Variants in OGDHL observed in about 807,000 individuals in gnomAD.
The protein encoded by OGDHL is oxoglutarate dehydrogenase L, also known as 2-oxoglutarate dehydrogenase-like, mitochondrial.
OGDHL carries 79 observed loss-of-function variants against 109.6 expected under a neutral mutation model. The observed-to-expected ratio is 0.72, with a 90% CI of 0.60 to 0.87. The LOEUF (loss-of-function observed/expected upper bound fraction) is 0.87, where lower values mean the gene tolerates loss of function less well. Ranked by LOEUF, OGDHL falls within the 40% of genes least tolerant of loss-of-function variation. OGDHL has a pLI of 0.00. For missense variants in OGDHL, 1,275 were observed against 1,362.2 expected (o/e 0.94, Z 1.01); for synonymous variants, 528 against 537.2 (o/e 0.98, Z 0.24).
In OGDHL at chr10:49,739,761, G is replaced by A. The variant is rs138138510; in HGVS notation, c.2219C>T (p.Thr740Met). Residue 740 changes from threonine to methionine, a missense_variant, in exon 17 of 23, where the codon ACG (threonine) becomes ATG (methionine). Coordinates refer to ENST00000374103, the MANE Select transcript of OGDHL (RefSeq NM_018245.3). ...GAACTGGTCGATGATGCACTGGGCC[G>A]TGTTGTGGAAGTCCCCAAACTGGGC... ...WEAQFGDFHN[T>M]AQCIIDQFIS... 118 of 1,614,016 alleles carry A rather than the reference G, an allele frequency of 7.3e-5. No individual in the cohort carries two copies. The African/African-American group carries it at 8.4e-4, about 11-fold the overall frequency.
intron 14 of OGDHL, among the ~76,000 whole-genome samples, chr10:49,743,183 G>A (rs1354165748): frequency 1.3e-5 from 2 of 152,366 alleles, no homozygotes; most frequent in Middle Eastern, 6.8e-3. Flanking sequence ...GAGGGGTGGA[G>A]CAGGTACCAC....
intron 15 of OGDHL, among the ~76,000 whole-genome samples, chr10:49,742,172 G>GCCCCACACACACTATACACA (rs1270934520): frequency 1.1e-5 from 1 of 90,124 alleles, no homozygotes; most frequent in Non-Finnish European, 2.2e-5. Flanking sequence ...CACCATACAC[G>GCCCCACACACACTATACACA]CCCCACACAC....
chr10:49,750,295 A>G (rs1842495391), intron 7 of OGDHL, among the ~76,000 whole-genome samples: 1 of 152,118 alleles, frequency 6.6e-6, no homozygotes, highest in East Asian at 1.9e-4. Context: ...TCTGTCCCCC[A>G]GGGTGCATTC....
intron 15 of OGDHL, among the ~76,000 whole-genome samples, chr10:49,741,719 C>CACACACACCACACACATACAT: frequency 6.8e-6 from 1 of 147,154 alleles, no homozygotes; most frequent in Non-Finnish European, 1.5e-5. Context: ...CACATACATA[C>CACACACACCACACACATACAT]ACACACACCA....
rs766917699 is a variant in OGDHL at position 49,735,275 on chromosome 10, G to A, written c.2986C>T (p.Leu996=). The A allele has an allele frequency of 2.0e-5, 33 of 1,614,196 alleles. No individual in the cohort carries two copies. The highest frequency in any genetic ancestry group is 2.8e-5 in the Non-Finnish European group (33 of 1,180,018). Residue 996 remains leucine, a synonymous_variant, in exon 23 of 23, where the codon CTG becomes TTG. Transcript: ENST00000374103. Reference sequence around the variant, plus strand: ...GCCTGGAGATTGAAGGCAGTATCCAGAAACTTCTTCAGTGACACCAGGTGA... The same window carrying A: ...GCCTGGAGATTGAAGGCAGTATCCAAAAACTTCTTCAGTGACACCAGGTGA... ...NTHLVSLKKF[L]DTAFNLQAFE... is the part of the protein sequence containing the mutation.
intron 10 of OGDHL, 92 bp from the exon 11 acceptor site, chr10:49,746,069 A>G (rs1842162655): frequency 1.4e-6 from 2 of 1,426,956 alleles, no homozygotes; most frequent in Non-Finnish European, 1.9e-6. Flanking sequence ...GGGGATGCTC[A>G]AGGTCCACTG....
intron 3 of OGDHL, among the ~76,000 whole-genome samples, chr10:49,754,032 C>A (rs1223201524): frequency 6.6e-6 from 1 of 151,922 alleles, no homozygotes; most frequent in Non-Finnish European, 1.5e-5. Flanking sequence ...ATAAGATTGA[C>A]AGGGTCAAGG....
intron 9 of OGDHL, 41 bp from the exon 10 acceptor site, chr10:49,746,919 G>A: frequency 6.2e-7 from 1 of 1,613,112 alleles, no homozygotes; most frequent in Non-Finnish European, 8.5e-7. Flanking sequence ...GCGTGCCCCA[G>A]CCCATGTAGC....
Position 49,758,438 on chromosome 10 carries a change from A to G in OGDHL, c.155T>C (p.Met52Thr). 1.9e-6 allele frequency: 3 copies of G among 1,613,804 alleles called. No individual in the cohort carries two copies. The highest frequency in any genetic ancestry group is 2.2e-5 in the East Asian group (1 of 44,876). The change falls in exon 2 of 23, where the codon ATG (methionine) becomes ACG (threonine). Residue 52 changes from methionine to threonine, a missense_variant. Met to Thr is a moderately conservative substitution (Grantham distance 81). Coordinates refer to ENST00000374103, the MANE Select transcript of OGDHL (RefSeq NM_018245.3). ...CAACCAGGCGAAGTACATCTCCTCCATGTAACTGGAGCCGCCTCCACCTTT... is the reference window on the plus strand; with the variant it reads ...CAACCAGGCGAAGTACATCTCCTCCGTGTAACTGGAGCCGCCTCCACCTTT... ...SSKGGGGSSY[M>T]EEMYFAWLEN...
intron 14 of OGDHL, 155 bp downstream of exon 14, chr10:49,743,839 G>A (rs911976520): frequency 3.5e-6 from 3 of 861,206 alleles, no homozygotes; most frequent in Non-Finnish European, 5.1e-6. Context: ...CTACTGTCAC[G>A]GGCACAGACA....
Position 49,738,887 on chromosome 10 carries a change from G to A in OGDHL, c.2320-625C>T, listed in dbSNP as rs41281973. The stretch of plus-strand genomic sequence containing the variant: ...GCCCTCTCTTGGTGGGGACGGCCAA[G>A]GACCCAGCCCCCCACACCCAGCCTG... On this transcript the variant is annotated intron_variant, in intron 17 of 22. Coordinates refer to ENST00000374103, the MANE Select transcript of OGDHL (RefSeq NM_018245.3). The A allele has an allele frequency of 5.7e-3, 871 of 153,770 alleles. 4 individuals are homozygous for A. Among genetic ancestry groups the A allele is most frequent in the Non-Finnish European group, 9.1e-3 (632 of 69,104 alleles). The allele number at this position is 153,770 out of a possible 1,614,324, so 9.5% of individuals were successfully genotyped here. A position where few individuals can be genotyped will look rare whatever the true frequency, so the allele number is the denominator to read the frequency against.
chr10:49,757,818 A>G (rs1243718547), intron 2 of OGDHL, among the ~76,000 whole-genome samples: 1 of 152,222 alleles, frequency 6.6e-6, no homozygotes, highest in Non-Finnish European at 1.5e-5. Flanking sequence ...ATTTGCAGTA[A>G]GTTTACCTAA....
intron 17 of OGDHL, 172 bp downstream of exon 17, chr10:49,739,489 G>A (rs1002817679): frequency 5.8e-6 from 4 of 693,344 alleles, no homozygotes; most frequent in South Asian, 5.5e-5. Context: ...TAGCATCATC[G>A]TCTCAGCAGC....
In OGDHL at chr10:49,742,886, G is replaced by A. The variant is rs1278711295; in HGVS notation, c.1954C>T (p.Leu652=). 4 of 1,613,930 alleles carry A rather than the reference G, an allele frequency of 2.5e-6. No individual in the cohort carries two copies. The highest frequency in any genetic ancestry group is 3.4e-6 in the Non-Finnish European group (4 of 1,179,998). ...LAEYMAFGSL[L]KEGIHVRLSG... is the part of the protein sequence containing the mutation. ...AGCCGCACGTGGATGCCTTCCTTCA[G>A]CAGGGAGCCAAAGGCCATGTACTCT... Residue 652 remains leucine, a synonymous_variant, in exon 15 of 23, where the codon CTG becomes TTG. Coordinates refer to ENST00000374103, the MANE Select transcript of OGDHL (RefSeq NM_018245.3).
rs760881978 is a variant in OGDHL at position 49,758,658 on chromosome 10, G to C, written c.-1-65C>G. On this transcript the variant is annotated intron_variant, in intron 1 of 22. Transcript: ENST00000374103. Reference sequence around the variant, plus strand: ...CCAAGACAGGAAGAGGCTCTACCAAGCCACTGTCCGCTCATCAGCACTTGT... The same window carrying C: ...CCAAGACAGGAAGAGGCTCTACCAACCCACTGTCCGCTCATCAGCACTTGT... 3 of 1,494,650 alleles carry C rather than the reference G, an allele frequency of 2.0e-6. No homozygotes were observed. In the Admixed American group the frequency reaches 5.5e-5, roughly 27 times the overall value. 92.6% of individuals were successfully genotyped at this position (1,494,650 alleles called of 1,614,324 possible).
chr10:49,735,447 A>AC, intron 22 of OGDHL, 96 bp from the exon 23 acceptor site: 2 of 1,441,490 alleles, frequency 1.4e-6, no homozygotes, highest in Non-Finnish European at 1.9e-6. Context: ...GCATCTGAGA[A>AC]CCGCTGACCT....
intron 2 of OGDHL, among the ~76,000 whole-genome samples, 193 bp from the exon 3 acceptor site, chr10:49,757,139 A>G (rs1050480553): frequency 1.8e-4 from 28 of 152,264 alleles, no homozygotes; most frequent in African/African-American, 6.5e-4. Flanking sequence ...ATGTGAAAAC[A>G]ACCTACATGG....
chr10:49,735,307 C>T lies in OGDHL; in HGVS notation c.2954G>A (p.Arg985Lys). Residue 985 changes from arginine (R) to lysine (K), a missense_variant, in exon 23 of 23, where the codon AGG becomes AAG. Physicochemically the swap from Arg to Lys is conservative, Grantham distance 26. Coordinates refer to ENST00000374103, the MANE Select transcript of OGDHL (RefSeq NM_018245.3). ...DPAAAPATGN[R>K]NTHLVSLKKF... ...CTTCAGTGACACCAGGTGAGTGTTCCTGTTTCCTGTGGCTGGTGCAGCCGC... is the reference window on the plus strand; with the variant it reads ...CTTCAGTGACACCAGGTGAGTGTTCTTGTTTCCTGTGGCTGGTGCAGCCGC... 1 of 1,614,090 alleles carries T rather than the reference C, an allele frequency of 6.2e-7. No homozygotes were observed. The highest frequency in any genetic ancestry group is 8.5e-7 in the Non-Finnish European group (1 of 1,180,016).
rs777608352 is a variant in OGDHL at position 49,742,899 on chromosome 10, G to A, written c.1941C>T (p.Ala647=). The change falls in exon 15 of 23, where the codon GCC becomes GCT. Residue 647 remains alanine, a synonymous_variant. Transcript: ENST00000374103. ...TVDWALAEYM[A]FGSLLKEGIH... is the part of the protein sequence containing the mutation. ...TGCCTTCCTTCAGCAGGGAGCCAAA[G>A]GCCATGTACTCTGCCAACGCCCAGT... The A allele has an allele frequency of 6.2e-7, 1 of 1,614,058 alleles. No homozygotes were observed. Among genetic ancestry groups the A allele is most frequent in the East Asian group, 2.2e-5 (1 of 44,884 alleles).
Sources: gnomAD v4.1 joint callset for allele counts (sites outside exome capture counted in the v4.1 genomes callset) on GRCh38, gnomAD v4.1.1 for gene constraint, MANE v1.5 for transcripts, NCBI Gene and HGNC (gene_info 2026-07-23, HGNC 2026-07-21) for gene names.